The following MAST1 variants were observed in gnomAD, a reference collection of about 807,000 sequenced individuals.
MAST1 encodes the protein microtubule-associated serine/threonine-protein kinase 1.
Under a neutral mutation model 124.6 loss-of-function variants are expected in MAST1, and 40 were observed. The observed-to-expected ratio is 0.32, with a 90% CI of 0.25 to 0.42. MAST1 has a LOEUF of 0.42. Among genes scored for constraint, MAST1 ranks in the 10% least tolerant of loss-of-function variants. MAST1 has a pLI of 1.00. For missense variants in MAST1, 1,558 were observed against 2,181.9 expected, an observed-to-expected ratio of 0.71 and a Z score of 5.70; for synonymous variants, 938 against 939.4, an observed-to-expected ratio of 1.00 and a Z score of 0.03.
At chr19:12,852,528 T>TA in intron 10 of MAST1, 133 bp downstream of exon 10, 1 of 829,618 alleles carries the variant, frequency 1.2e-6, no homozygotes, top group Admixed American at 2.1e-5. Flanking sequence ...TTCCCATCCA[T>TA]AAAATGGGAT....
chr19:12,867,983 T>C lies in MAST1; in HGVS notation c.2566+6T>C. The C allele has an allele frequency of 6.6e-7, 1 of 1,525,892 alleles. No homozygotes were observed. 94.5% of individuals were successfully genotyped at this position (1,525,892 alleles called of 1,614,324 possible). ...CGCCGGGGACTCCGAGGCCAGTGAG[T>C]GCCCTATCGTGCTGCCTTCCCCAAT... On this transcript the variant is annotated splice_donor_region_variant and intron_variant, in intron 20 of 25. Coordinates refer to ENST00000251472, the MANE Select transcript of MAST1 (RefSeq NM_014975.3).
chr19:12,838,546 C>T lies in MAST1; in HGVS notation c.-27C>T, dbSNP rs759852994. ...GCCGCCTCCGCCGCTGCTGCCGCACCTGCCACCATGTCGCCGCCGCCGGGT... is the reference window on the plus strand; with the variant it reads ...GCCGCCTCCGCCGCTGCTGCCGCACTTGCCACCATGTCGCCGCCGCCGGGT... On this transcript the variant is annotated 5_prime_UTR_variant, in exon 1 of 26. Transcript: ENST00000251472. The surrounding 1 kb of genome is among the most constrained non-coding windows in gnomAD (Gnocchi z 4.3). 1 of 1,499,414 alleles carries T rather than the reference C, an allele frequency of 6.7e-7. No homozygotes were observed. Among genetic ancestry groups the T allele is most frequent in the South Asian group, 1.3e-5 (1 of 77,348 alleles). The allele number at this position is 1,499,414 out of a possible 1,614,324, so 92.9% of individuals were successfully genotyped here.
At chr19:12,871,724 G>A (rs886938652) in intron 24 of MAST1, among the ~76,000 whole-genome samples, 3 of 151,776 alleles carry the variant, frequency 2.0e-5, no homozygotes, top group South Asian at 2.1e-4. Flanking sequence ...GTCAAGATTA[G>A]GGGCAACATA....
intron 7 of MAST1, among the ~76,000 whole-genome samples, chr19:12,851,425 G>A (rs930291669): frequency 2.0e-5 from 3 of 151,620 alleles, no homozygotes; most frequent in African/African-American, 2.4e-5. Context: ...TACCACACCT[G>A]GCTAATTTTA....
At position 12,866,540 on chromosome 19, in the gene MAST1, T is replaced by A. The variant is rs1299150140; in HGVS notation, c.2030-113T>A. 1 of 693,306 alleles carries A rather than the reference T, an allele frequency of 1.4e-6. No individual in the cohort carries two copies. Among genetic ancestry groups the A allele is most frequent in the Non-Finnish European group, 2.6e-6 (1 of 388,894 alleles). The allele number at this position is 693,306 out of a possible 1,614,324, so 42.9% of individuals were successfully genotyped here. On this transcript the variant is annotated intron_variant, in intron 17 of 25. Transcript: ENST00000251472. The surrounding 1 kb of genome is among the most constrained non-coding windows in gnomAD (Gnocchi z 5.2). ...TAAATACACTAATGAGGCAGGGGCGTGGCCTGACCTGAAGACTTGTAAACC... is the reference window on the plus strand; with the variant it reads ...TAAATACACTAATGAGGCAGGGGCGAGGCCTGACCTGAAGACTTGTAAACC...
intron 12 of MAST1, among the ~76,000 whole-genome samples, chr19:12,863,252 G>A (rs184120595): frequency 1.3e-5 from 2 of 151,814 alleles, no homozygotes; most frequent in East Asian, 3.9e-4. Context: ...CAGGAGACTA[G>A]GAGGTAGATG....
chr19:12,867,974 G>A lies in MAST1; in HGVS notation c.2563G>A (p.Ala855Thr), dbSNP rs1430270764. Reference protein sequence around the residue: ...EGTSSAGDSEATDRPRPGDLC... With the variant: ...EGTSSAGDSETTDRPRPGDLC... ...CACCTCCAGCGCCGGGGACTCCGAG[G>A]CCAGTGAGTGCCCTATCGTGCTGCC... Residue 855 changes from alanine to threonine, a missense_variant, in exon 20 of 26, where the codon GCC (alanine) becomes ACC (threonine). By Grantham distance (58) the Ala-to-Thr change is moderately conservative. This residue lies in a region of MAST1 where 287 missense variants were observed against 308.0 expected (regional missense o/e 0.93). Coordinates refer to ENST00000251472, the MANE Select transcript of MAST1 (RefSeq NM_014975.3). 4.5e-6 allele frequency: 7 copies of A among 1,541,894 alleles called. No individual in the cohort carries two copies. The African/African-American group carries it at 5.5e-5, about 12-fold the overall frequency.
In MAST1 at chr19:12,868,785, T is replaced by C; in HGVS notation, c.2709T>C (p.Ser903=). The change falls in exon 21 of 26, where the codon TCT becomes TCC. Residue 903 remains serine, a synonymous_variant. Coordinates refer to ENST00000251472, the MANE Select transcript of MAST1 (RefSeq NM_014975.3). The stretch of plus-strand genomic sequence containing the variant: ...ATGTGGCAGTAGAGAAGAGGCCTTC[T>C]CGAACTGGGGGCAAAGTCATCAAAT... ...SGDVAVEKRP[S]RTGGKVIKSA... 2 of 1,609,298 alleles carry C rather than the reference T, an allele frequency of 1.2e-6. No homozygotes were observed. Among genetic ancestry groups the C allele is most frequent in the African/African-American group, 1.3e-5 (1 of 74,978 alleles).
chr19:12,853,425 G>A (rs1162655888), intron 10 of MAST1, among the ~76,000 whole-genome samples: 2 of 151,340 alleles, frequency 1.3e-5, no homozygotes, highest in African/African-American at 4.9e-5. Context: ...GCGTGGTGGT[G>A]CACCCCTGTA....
At chr19:12,871,232 G>A (rs1970230363) in intron 24 of MAST1, 60 bp downstream of exon 24, 1 of 1,605,154 alleles carries the variant, frequency 6.2e-7, no homozygotes, top group Admixed American at 1.7e-5. Flanking sequence ...GGCGGGAGGG[G>A]CACAGATGAG....
At chr19:12,844,997 G>A (rs1019383463) in intron 4 of MAST1, among the ~76,000 whole-genome samples, 1 of 152,112 alleles carries the variant, frequency 6.6e-6, no homozygotes, top group Non-Finnish European at 1.5e-5. Flanking sequence ...AGTGAGCAAT[G>A]TGATGTTTAA....
chr19:12,860,916 C>T (rs1456962842), intron 12 of MAST1, among the ~76,000 whole-genome samples: 1 of 152,044 alleles, frequency 6.6e-6, no homozygotes, highest in Non-Finnish European at 1.5e-5. Flanking sequence ...ACGAACACCT[C>T]CTCATCATCT....
Position 12,838,642 on chromosome 19 carries a change from C to T in MAST1, c.70C>T (p.Arg24Cys). 6.2e-7 allele frequency: 1 copy of T among 1,609,766 alleles called. No homozygotes were observed. Among genetic ancestry groups the T allele is most frequent in the Non-Finnish European group, 8.5e-7 (1 of 1,178,448 alleles). The change falls in exon 1 of 26, where the codon CGC (arginine) becomes TGC (cysteine). Residue 24 changes from arginine (R) to cysteine (C), a missense_variant. Transcript: ENST00000251472. The surrounding 1 kb of genome is among the most constrained non-coding windows in gnomAD (Gnocchi z 4.3). Reference protein sequence around the residue: ...MPSFPGGSMFRRTKSCRTSNR... With the variant: ...MPSFPGGSMFCRTKSCRTSNR... ...CTCCTTCCCCGGCGGCAGTATGTTC[C>T]GCCGCACCAAGAGGTAGACCCCCGA... is the stretch of plus-strand genomic sequence containing the variant.
At position 12,858,775 on chromosome 19, in the gene MAST1, C is replaced by T. The variant is rs1368817455; in HGVS notation, c.1366+36C>T. 9 of 1,609,668 alleles carry T rather than the reference C, an allele frequency of 5.6e-6. No individual in the cohort carries two copies. The African/African-American group carries it at 1.1e-4, about 19-fold the overall frequency. Reference sequence around the variant, plus strand: ...CTGCGGGGCTGCAGGGAAGATGGGGCCGTGCTCACTGGTCAGGGCTGCGGG... The same window carrying T: ...CTGCGGGGCTGCAGGGAAGATGGGGTCGTGCTCACTGGTCAGGGCTGCGGG... On this transcript the variant is annotated intron_variant, in intron 12 of 25. Transcript: ENST00000251472.
At chr19:12,860,369 G>A (rs1970064895) in intron 12 of MAST1, among the ~76,000 whole-genome samples, 1 of 151,414 alleles carries the variant, frequency 6.6e-6, no homozygotes, top group Non-Finnish European at 1.5e-5. Context: ...GCCCACCTCG[G>A]CCTCCCAAAG....
Position 12,868,103 on chromosome 19 carries a change from A to ATTTTTTTTTTT in MAST1, c.2566+139_2566+149dup, listed in dbSNP as rs34988246. ...GGTCCTATTCACATTGCAATTTGGG[A>ATTTTTTTTTTT]TTTTTTTTTTTTTTTTTTTTTTTGA... On this transcript the variant is annotated intron_variant, in intron 20 of 25. Transcript: ENST00000251472. The ATTTTTTTTTTT allele has an allele frequency of 9.6e-4, 308 of 322,034 alleles. 10 individuals are homozygous for ATTTTTTTTTTT. The highest frequency in any genetic ancestry group is 2.1e-3 in the South Asian group (19 of 8,904). The allele number at this position is 322,034 out of a possible 1,614,324, so 19.9% of individuals were successfully genotyped here.
chr19:12,849,612 C>T (rs112858709), intron 7 of MAST1, among the ~76,000 whole-genome samples: 3,932 of 151,440 alleles, frequency 0.026, 64 homozygotes, highest in Non-Finnish European at 0.039. Context: ...TGCAGTGAGC[C>T]GAGGTTGCGC....
rs1359357880 is a variant in MAST1, at chr19:12,864,939, G to A, written c.1497G>A (p.Lys499=). The A allele has an allele frequency of 8.7e-6, 14 of 1,614,026 alleles. No individual in the cohort carries two copies. The Admixed American group carries it at 2.0e-4, about 23-fold the overall frequency. ...ATGGCATCGTGCACCGCGACCTCAAGCCTGACAAGTGAGCTTTGATCTTTC... is the reference window on the plus strand; with the variant it reads ...ATGGCATCGTGCACCGCGACCTCAAACCTGACAAGTGAGCTTTGATCTTTC... ...HNYGIVHRDL[K]PDNLLITSMG... Residue 499 remains lysine (K), a synonymous_variant, in exon 13 of 26, where the codon AAG becomes AAA. Coordinates refer to ENST00000251472, the MANE Select transcript of MAST1 (RefSeq NM_014975.3).
intron 20 of MAST1, 35 bp from the exon 21 acceptor site, chr19:12,868,608 G>T (rs1217255597): frequency 6.6e-7 from 1 of 1,526,684 alleles, no homozygotes; most frequent in East Asian, 2.3e-5. Flanking sequence ...CCCTGGCCTT[G>T]GACTAATTCC....
Sources: gnomAD v4.1 joint callset for allele counts (sites outside exome capture counted in the v4.1 genomes callset) on GRCh38, gnomAD v4.1.1 for gene constraint, gnomAD v4.1.1 regional missense constraint, Gnocchi (gnomAD v3.1) non-coding constraint, MANE v1.5 for transcripts, NCBI Gene and HGNC (gene_info 2026-07-23, HGNC 2026-07-21) for gene names.